The following AATF variants were observed in gnomAD, a reference collection of about 807,000 sequenced individuals.
AATF encodes apoptosis antagonizing transcription factor.
A neutral mutation model predicts 63.7 loss-of-function variants in AATF; 48 were observed. The observed-to-expected ratio is 0.75, with a 90% CI of 0.60 to 0.96. The LOEUF is 0.96. Ranked by LOEUF, AATF falls within the 40% of genes least tolerant of loss-of-function variation. The probability of loss-of-function intolerance (pLI) is 0.00; values close to 1 mark genes in which losing one functional copy is unlikely to be tolerated. For missense variants in AATF, 639 were observed against 685.7 expected (o/e 0.93, Z 0.76); for synonymous variants, 258 against 247.7 (o/e 1.04, Z -0.39).
chr17:37,003,296 A>G (rs1253905976), intron 8 of AATF, among the ~76,000 whole-genome samples: 2 of 152,090 alleles, frequency 1.3e-5, no homozygotes, highest in Non-Finnish European at 2.9e-5. Flanking sequence ...TCACACCTAC[A>G]CAAAAGTTAA....
chr17:37,023,503 CAG>C (rs920879933), intron 10 of AATF, among the ~76,000 whole-genome samples: 6 of 150,654 alleles, frequency 4.0e-5, no homozygotes, highest in African/African-American at 1.5e-4. Flanking sequence ...TCTTTTTAAA[CAG>C]AGTTTAAAAA....
At chr17:36,971,370 T>C (rs2142225305) in intron 4 of AATF, among the ~76,000 whole-genome samples, 2 of 152,320 alleles carry the variant, frequency 1.3e-5, no homozygotes, top group Non-Finnish European at 2.9e-5. Context: ...CACAAGGAGA[T>C]ACCTCTACAT....
chr17:36,994,475 G>A (rs1442722666), intron 8 of AATF, among the ~76,000 whole-genome samples: 2 of 152,234 alleles, frequency 1.3e-5, no homozygotes, highest in African/African-American at 4.8e-5. Context: ...CTGAAAGCAT[G>A]AAGTATAGCC....
At chr17:37,000,453 A>T (rs2071285685) in intron 8 of AATF, among the ~76,000 whole-genome samples, 3 of 152,068 alleles carry the variant, frequency 2.0e-5, no homozygotes, top group African/African-American at 4.8e-5. Flanking sequence ...ACCCCTGTGG[A>T]CCTATGTTGG....
At chr17:36,981,606 G>A (rs925749657) in intron 4 of AATF, among the ~76,000 whole-genome samples, 1 of 151,322 alleles carries the variant, frequency 6.6e-6, no homozygotes, top group African/African-American at 2.4e-5. Flanking sequence ...ACCACGCCTG[G>A]CTGATTTCTT....
intron 4 of AATF, among the ~76,000 whole-genome samples, chr17:36,963,555 C>G (rs1416035200): frequency 1.3e-5 from 2 of 152,186 alleles, no homozygotes; most frequent in African/African-American, 4.8e-5. Flanking sequence ...AGATGATACT[C>G]TATTGTTTAT....
At chr17:37,042,258 G>A (rs1345960197) in intron 11 of AATF, among the ~76,000 whole-genome samples, 1 of 151,884 alleles carries the variant, frequency 6.6e-6, no homozygotes, top group Non-Finnish European at 1.5e-5. Flanking sequence ...AATCTCTCCT[G>A]TATCCCAGAA....
Position 37,056,656 on chromosome 17 carries a change from G to A in AATF, c.1675G>A (p.Gly559Arg), listed in dbSNP as rs1354511982. Residue 559 changes from glycine to arginine, a missense_variant, in exon 12 of 12, where the codon GGG (glycine) becomes AGG (arginine). Physicochemically the swap from Gly to Arg is moderately radical, Grantham distance 125 (BLOSUM62 -2). Transcript: ENST00000619387. ...GQLHPPDEGH[G>R]D Reference sequence around the variant, plus strand: ...GCTCCACCCTCCCGACGAAGGCCACGGGGATTGACATCGCCCACCTCCGAC... The same window carrying A: ...GCTCCACCCTCCCGACGAAGGCCACAGGGATTGACATCGCCCACCTCCGAC... 8.7e-6 allele frequency: 14 copies of A among 1,614,102 alleles called. No individual in the cohort carries two copies. Among genetic ancestry groups the A allele is most frequent in the African/African-American group, 1.3e-5 (1 of 75,040 alleles).
At chr17:36,986,525 C>T in intron 4 of AATF, 92 bp from the exon 5 acceptor site, 1 of 1,001,194 alleles carries the variant, frequency 1.0e-6, no homozygotes, top group South Asian at 1.3e-5. Flanking sequence ...TCCCCACAGC[C>T]AGAACTGCTC....
intron 7 of AATF, among the ~76,000 whole-genome samples, 199 bp downstream of exon 7, chr17:36,989,610 C>G (rs2071197942): frequency 6.6e-6 from 1 of 152,136 alleles, no homozygotes; most frequent in Admixed American, 6.5e-5. Context: ...CTATTAACTC[C>G]TGTGTGTCAT....
chr17:36,974,919 A>T (rs553507442), intron 4 of AATF, among the ~76,000 whole-genome samples: 1 of 152,122 alleles, frequency 6.6e-6, no homozygotes, highest in Admixed American at 6.5e-5. Flanking sequence ...TTCTGGAATT[A>T]TATCTACCTC....
At chr17:36,982,310 G>A (rs1308928571) in intron 4 of AATF, among the ~76,000 whole-genome samples, 1 of 148,612 alleles carries the variant, frequency 6.7e-6, no homozygotes, top group Non-Finnish European at 1.5e-5. Context: ...GAACTGTGAT[G>A]GTGGGATTAT....
rs139840766 is a variant in AATF at position 37,037,237 on chromosome 17, G to A, written c.1619+5552G>A. ...TCACCATGTTGGCCAGGATGGTCTG[G>A]ATCTCTTGACCTCATGATCCACCTG... is the stretch of plus-strand genomic sequence containing the variant. On this transcript the variant is annotated intron_variant, in intron 11 of 11. Coordinates refer to ENST00000619387, the MANE Select transcript of AATF (RefSeq NM_012138.4). Among the ~76,000 whole-genome samples, 682 of 152,080 alleles carry A rather than the reference G, an allele frequency of 4.5e-3. 7 individuals are homozygous for A. Among genetic ancestry groups the A allele is most frequent in the African/African-American group, 0.016 (653 of 41,462 alleles).
chr17:37,050,133 G>A (rs572989262), intron 11 of AATF, among the ~76,000 whole-genome samples: 54 of 152,142 alleles, frequency 3.5e-4, no homozygotes, highest in African/African-American at 1.3e-3. Context: ...ACAGGGAATA[G>A]TAGTCAGCCT....
At chr17:36,969,803 T>G (rs1428118846) in intron 4 of AATF, among the ~76,000 whole-genome samples, 1 of 152,198 alleles carries the variant, frequency 6.6e-6, no homozygotes, top group Non-Finnish European at 1.5e-5. Flanking sequence ...TTATAATCTT[T>G]CCCTCCTGGC....
rs759942488 is a variant in AATF, at chr17:36,952,863, T to A, written c.284-23T>A. 1.9e-6 allele frequency: 3 copies of A among 1,601,602 alleles called. No individual in the cohort carries two copies. The African/African-American group carries it at 4.0e-5, about 22-fold the overall frequency. On this transcript the variant is annotated intron_variant, in intron 2 of 11. Transcript: ENST00000619387. ...TCTCCAGGTAATACCCATTTTTCTCTTTCTTCCCTCTCTTCTTTGTAGATG... is the reference window on the plus strand; with the variant it reads ...TCTCCAGGTAATACCCATTTTTCTCATTCTTCCCTCTCTTCTTTGTAGATG...
chr17:36,979,237 C>T (rs911859897), intron 4 of AATF, among the ~76,000 whole-genome samples: 27 of 152,006 alleles, frequency 1.8e-4, no homozygotes, highest in African/African-American at 6.3e-4. Flanking sequence ...ATGAAAAATG[C>T]CGGCCATACA....
At chr17:37,041,281 A>G (rs1326967430) in intron 11 of AATF, among the ~76,000 whole-genome samples, 2 of 152,120 alleles carry the variant, frequency 1.3e-5, no homozygotes, top group South Asian at 4.1e-4. Context: ...TTATTGTTGG[A>G]CATTTAGGTT....
At chr17:36,989,133 C>A (rs948499529) in intron 6 of AATF, 114 bp from the exon 7 acceptor site, 1 of 1,232,016 alleles carries the variant, frequency 8.1e-7, no homozygotes, top group African/African-American at 1.5e-5. Context: ...GAAAGTCCCT[C>A]CTGAAAAGAT....
Sources: gnomAD v4.1 joint callset for allele counts (sites outside exome capture counted in the v4.1 genomes callset) on GRCh38, gnomAD v4.1.1 for gene constraint, MANE v1.5 for transcripts, NCBI Gene and HGNC (gene_info 2026-07-23, HGNC 2026-07-21) for gene names.